Variants in VTI1A observed in about 807,000 individuals in gnomAD.
The protein encoded by VTI1A is vesicle transport through interaction with t-SNAREs 1A.
Under a neutral mutation model 34.9 loss-of-function variants are expected in VTI1A, and 22 were observed. That is an observed-to-expected ratio of 0.63 (90% CI 0.45 to 0.90). VTI1A has a LOEUF of 0.90. Among genes scored for constraint, VTI1A ranks in the 40% least tolerant of loss-of-function variants. The pLI is 0.00. For synonymous variants in VTI1A, 87 were observed against 97.3 expected (o/e 0.89, Z 0.62); for missense variants, 268 against 275.6 (o/e 0.97, Z 0.20).
chr10:112,568,583 C>T lies in VTI1A; in HGVS notation c.427+30253C>T, dbSNP rs372000761. On this transcript the variant is annotated intron_variant, in intron 5 of 7. Coordinates refer to ENST00000393077, the MANE Select transcript of VTI1A (RefSeq NM_145206.4). ...CATAGCCATGCTCAGGAGGTGGAGC[C>T]AAGAGAAGTGTTCTGTAAATGATAG... Among the ~76,000 whole-genome samples, 6 of 151,990 alleles carry T rather than the reference C, an allele frequency of 3.9e-5. No homozygotes were observed. The East Asian group carries it at 1.2e-3, about 29-fold the overall frequency.
intron 3 of VTI1A, among the ~76,000 whole-genome samples, chr10:112,522,489 C>T (rs567714535): frequency 3.3e-5 from 5 of 151,962 alleles, no homozygotes; most frequent in East Asian, 1.9e-4. Context: ...GTGAATGTTG[C>T]GGATTGCTGA....
intron 7 of VTI1A, among the ~76,000 whole-genome samples, chr10:112,709,100 C>T (rs553681845): frequency 5.3e-5 from 8 of 152,288 alleles, no homozygotes; most frequent in East Asian, 1.9e-4. Context: ...CTGATTAGAC[C>T]GCCTTCCTCT....
intron 3 of VTI1A, among the ~76,000 whole-genome samples, chr10:112,512,418 T>G (rs1424434414): frequency 6.6e-6 from 1 of 152,178 alleles, no homozygotes; most frequent in African/African-American, 2.4e-5. Context: ...TCCTGTAGAA[T>G]TGTTTGAGTT....
rs1846896094 is a variant in VTI1A at position 112,648,698 on chromosome 10, C to T, written c.428-19520C>T. ...TTAGACATTCTTTCTACTCAGCAGTCTTTTTAAAATTTTTATTATTACCCT... is the reference window on the plus strand; with the variant it reads ...TTAGACATTCTTTCTACTCAGCAGTTTTTTTAAAATTTTTATTATTACCCT... On this transcript the variant is annotated intron_variant, in intron 5 of 7. Transcript: ENST00000393077. Among the ~76,000 whole-genome samples the T allele has an allele frequency of 2.0e-5, 3 of 152,232 alleles. No individual in the cohort carries two copies. The South Asian group carries it at 6.2e-4, about 32-fold the overall frequency.
At chr10:112,667,335 G>A (rs147532198) in intron 5 of VTI1A, among the ~76,000 whole-genome samples, 45 of 152,050 alleles carry the variant, frequency 3.0e-4, no homozygotes, top group African/African-American at 9.7e-4. Context: ...ATGGAGTAAG[G>A]CACCTCCCAG....
chr10:112,820,766 G>A (rs999825585), downstream of VTI1A, among the ~76,000 whole-genome samples: 7 of 152,302 alleles, frequency 4.6e-5, no homozygotes, highest in African/African-American at 1.4e-4. Context: ...GGATTCCAGC[G>A]CAGTAACAAG....
At chr10:112,848,040 G>GC in the VTI1A span, among the ~76,000 whole-genome samples, 2,160 of 152,256 alleles carry the variant, frequency 0.014, 21 homozygotes, top group Non-Finnish European at 0.017. Context: ...GTTGTTTTAG[G>GC]CAACTAAGAT....
intron 7 of VTI1A, among the ~76,000 whole-genome samples, chr10:112,689,885 C>T (rs1848555716): frequency 6.6e-6 from 1 of 152,134 alleles, no homozygotes; most frequent in Non-Finnish European, 1.5e-5. Flanking sequence ...ACAGTTCCCT[C>T]ACTCCAGAAG....
chr10:112,612,841 C>T (rs1184696742), intron 5 of VTI1A, among the ~76,000 whole-genome samples: 1 of 152,180 alleles, frequency 6.6e-6, no homozygotes. Context: ...ATTTTCCTAT[C>T]TTGACAATAG....
intron 3 of VTI1A, among the ~76,000 whole-genome samples, chr10:112,475,399 A>T (rs1332724478): frequency 6.6e-6 from 1 of 152,202 alleles, no homozygotes; most frequent in Non-Finnish European, 1.5e-5. Context: ...CAGATTCCTG[A>T]TTGAATTCTG....
intron 5 of VTI1A, among the ~76,000 whole-genome samples, chr10:112,601,024 A>T (rs531073726): frequency 2.0e-5 from 3 of 152,330 alleles, no homozygotes; most frequent in Non-Finnish European, 2.9e-5. Flanking sequence ...AAGTTGTAGT[A>T]GACTCTGACA....
intron 7 of VTI1A, among the ~76,000 whole-genome samples, chr10:112,795,071 A>G (rs954374480): frequency 1.3e-5 from 2 of 152,230 alleles, no homozygotes; most frequent in Non-Finnish European, 2.9e-5. Flanking sequence ...CCTGACTTTA[A>G]TCATAAATGC....
intron 3 of VTI1A, among the ~76,000 whole-genome samples, chr10:112,502,675 G>C (rs1407201240): frequency 6.6e-6 from 1 of 152,120 alleles, no homozygotes; most frequent in African/African-American, 2.4e-5. Flanking sequence ...TCGTGCTTAT[G>C]ACCAGAAGCA....
intron 7 of VTI1A, among the ~76,000 whole-genome samples, chr10:112,769,592 G>A: frequency 6.6e-6 from 1 of 152,170 alleles, no homozygotes; most frequent in Middle Eastern, 3.2e-3. Context: ...TGGAGCCTTG[G>A]TGAGGCCTAA....
At chr10:112,626,484 TATA>T (rs2134596108) in intron 5 of VTI1A, among the ~76,000 whole-genome samples, 1 of 152,256 alleles carries the variant, frequency 6.6e-6, no homozygotes, top group East Asian at 1.9e-4. Flanking sequence ...CTAATGAAAT[TATA>T]ATCTTTTTCT....
intron 3 of VTI1A, among the ~76,000 whole-genome samples, chr10:112,518,373 A>G (rs1849864928): frequency 6.6e-6 from 1 of 151,764 alleles, no homozygotes. Context: ...TAGGAAGGGA[A>G]GCATAAAGAG....
At chr10:112,669,221 C>T (rs752857172) in intron 7 of VTI1A, among the ~76,000 whole-genome samples, 6 of 152,090 alleles carry the variant, frequency 3.9e-5, no homozygotes, top group Admixed American at 6.6e-5. Flanking sequence ...GGGGTAACCT[C>T]AAGCTATGGA....
chr10:112,693,604 A>C (rs150091386), intron 7 of VTI1A, among the ~76,000 whole-genome samples: 4 of 152,344 alleles, frequency 2.6e-5, no homozygotes, highest in Admixed American at 2.6e-4. Flanking sequence ...ACAAGGCTCA[A>C]GGCACCTTCA....
chr10:112,566,595 G>A (rs1851910762), intron 5 of VTI1A, among the ~76,000 whole-genome samples: 1 of 152,044 alleles, frequency 6.6e-6, no homozygotes. Context: ...GTGATTTATT[G>A]GGAAAAGTGA....
Sources: allele counts gnomAD v4.1 joint callset (sites outside exome capture counted in the v4.1 genomes callset), GRCh38; gene constraint gnomAD v4.1.1; transcripts MANE v1.5; gene names NCBI Gene and HGNC (gene_info 2026-07-23, HGNC 2026-07-21).